The following ADAMTS10 variants were observed in gnomAD, a reference collection of about 807,000 sequenced individuals.
ADAMTS10 encodes A disintegrin and metalloproteinase with thrombospondin motifs 10.
Under a neutral mutation model 135.9 loss-of-function variants are expected in ADAMTS10, and 48 were observed. The ratio of observed to expected loss-of-function variants is 0.35; its 90% CI spans 0.28 to 0.45. The LOEUF is 0.45. ADAMTS10 is among the 20% of genes least tolerant of loss of function. The pLI, the probability that ADAMTS10 is intolerant of heterozygous loss-of-function variation, is 1.00. For synonymous variants in ADAMTS10, 621 were observed against 647.5 expected (o/e 0.96, Z 0.62); for missense variants, 1,131 against 1,565.2 (o/e 0.72, Z 4.68).
At chr19:8,599,424 G>A (rs919042003) in intron 6 of ADAMTS10, among the ~76,000 whole-genome samples, 16 of 151,850 alleles carry the variant, frequency 1.1e-4, no homozygotes, top group Middle Eastern at 3.4e-3. Flanking sequence ...TCTGCCTCCC[G>A]GGTTCAAGCG....
At chr19:8,606,656 C>T (rs868924025) in intron 2 of ADAMTS10, among the ~76,000 whole-genome samples, 3 of 152,248 alleles carry the variant, frequency 2.0e-5, no homozygotes, top group Admixed American at 6.5e-5. Flanking sequence ...TCGTATCCCT[C>T]ATCTTTTTAT....
chr19:8,608,993 C>T (rs1555743043), intron 1 of ADAMTS10, among the ~76,000 whole-genome samples: 1 of 148,388 alleles, frequency 6.7e-6, no homozygotes, highest in Non-Finnish European at 1.5e-5. Flanking sequence ...TGACACAGCC[C>T]AGGGCACCAG....
chr19:8,608,973 T>G, intron 1 of ADAMTS10, among the ~76,000 whole-genome samples: 1 of 141,892 alleles, frequency 7.0e-6, no homozygotes, highest in South Asian at 2.4e-4. Flanking sequence ...CACAGGGTGG[T>G]GTCGAGGTGT....
At chr19:8,588,106 G>A (rs1428009853) in intron 18 of ADAMTS10, among the ~76,000 whole-genome samples, 5 of 151,826 alleles carry the variant, frequency 3.3e-5, no homozygotes, top group South Asian at 4.2e-4. Flanking sequence ...AAAATTAGCC[G>A]GGCATGTAGT....
intron 18 of ADAMTS10, among the ~76,000 whole-genome samples, chr19:8,588,814 CAG>C (rs1454529253): frequency 2.6e-5 from 4 of 151,454 alleles, no homozygotes; most frequent in African/African-American, 7.3e-5. Context: ...TTTTTTGAGA[CAG>C]AGCCTCGCTC....
chr19:8,586,600 G>C lies in ADAMTS10; in HGVS notation c.2361C>G (p.Ser787Arg), dbSNP rs1555737301. The C allele has an allele frequency of 6.2e-7, 1 of 1,614,008 alleles. No individual in the cohort carries two copies. The highest frequency in any genetic ancestry group is 8.5e-7 in the Non-Finnish European group (1 of 1,180,014). The change falls in exon 20 of 26, where the codon AGC becomes AGG. Residue 787 changes from serine to arginine, a missense_variant. This residue lies in a region of ADAMTS10 where 745 missense variants were observed against 1,056.3 expected (regional missense o/e 0.71). Coordinates refer to ENST00000597188, the MANE Select transcript of ADAMTS10 (RefSeq NM_030957.4). ...CATTAATCGGTCCCAGGGCTTCGAG[G>C]CTCTGGACCTGGTCTGGCCCCTGTC... Reference protein sequence around the residue: ...QLRQGPDQVQSLEALGPINAS... With the variant: ...QLRQGPDQVQRLEALGPINAS...
intron 25 of ADAMTS10, among the ~76,000 whole-genome samples, chr19:8,581,809 T>G (rs1215803003): frequency 1.4e-5 from 2 of 147,742 alleles, no homozygotes; most frequent in Non-Finnish European, 3.0e-5. Context: ...TACTCCAGCC[T>G]GGGAGACAGA....
rs1182967839 is a variant in ADAMTS10 at position 8,605,463 on chromosome 19, C to G, written c.89-105G>C. The G allele has an allele frequency of 6.8e-7, 1 of 1,473,960 alleles. No homozygotes were observed. Among genetic ancestry groups the G allele is most frequent in the Non-Finnish European group, 9.2e-7 (1 of 1,085,098 alleles). 91.3% of individuals were successfully genotyped at this position (1,473,960 alleles called of 1,614,324 possible). On this transcript the variant is annotated intron_variant, in intron 3 of 25. Transcript: ENST00000597188. The surrounding 1 kb of genome is among the most constrained non-coding windows in gnomAD (Gnocchi z 7.7). ...AAGTGATGCTGGCCTCACTGACCCC[C>G]GAAATCCAGGGAGTTGGCTGCAAGG...
intron 15 of ADAMTS10, among the ~76,000 whole-genome samples, chr19:8,591,018 C>T (rs1362206165): frequency 3.9e-5 from 6 of 152,192 alleles, no homozygotes; most frequent in Admixed American, 3.9e-4. Context: ...CCAAAGCTCT[C>T]ACTGCCCTCT....
At chr19:8,581,095 C>A in intron 25 of ADAMTS10, 93 bp from the exon 26 acceptor site, 3 of 463,730 alleles carry the variant, frequency 6.5e-6, no homozygotes, top group Non-Finnish European at 1.1e-5. Flanking sequence ...TGGCCAGTGA[C>A]TTTCTGTGCC....
intron 5 of ADAMTS10, among the ~76,000 whole-genome samples, chr19:8,602,364 G>C (rs561155307): frequency 1.4e-4 from 21 of 152,260 alleles, no homozygotes; most frequent in African/African-American, 4.8e-4. Context: ...TGTCGCCCAG[G>C]CTGGAGTGCA....
chr19:8,581,836 A>G (rs189966857), intron 25 of ADAMTS10, among the ~76,000 whole-genome samples: 175 of 148,760 alleles, frequency 1.2e-3, no homozygotes, highest in African/African-American at 4.1e-3. Flanking sequence ...CTCTGTCACA[A>G]AACAAAACAA....
intron 2 of ADAMTS10, among the ~76,000 whole-genome samples, chr19:8,607,377 C>T (rs948749957): frequency 9.9e-5 from 15 of 152,152 alleles, no homozygotes; most frequent in African/African-American, 3.6e-4. Context: ...CTGACCCCGT[C>T]CTCCATTCAG....
rs7257351 is a variant in ADAMTS10 at position 8,592,355 on chromosome 19, C to T, written c.1588-252G>A. On this transcript the variant is annotated intron_variant, in intron 13 of 25. Transcript: ENST00000597188. ...GGGGTGTAGACAGGACCACGATAAGCGTGGAGACGAGGTGGGGCGTGGCTT... is the reference window on the plus strand; with the variant it reads ...GGGGTGTAGACAGGACCACGATAAGTGTGGAGACGAGGTGGGGCGTGGCTT... 5.3e-3 allele frequency: 3,813 copies of T among 715,602 alleles called. 105 individuals are homozygous for T. The African/African-American group carries it at 0.057, about 11-fold the overall frequency. The allele number at this position is 715,602 out of a possible 1,614,324, so 44.3% of individuals were successfully genotyped here.
chr19:8,603,486 C>CTGG (rs568178813), intron 5 of ADAMTS10, among the ~76,000 whole-genome samples: 122 of 152,258 alleles, frequency 8.0e-4, no homozygotes, highest in African/African-American at 2.5e-3. Context: ...GTTGGTCAGG[C>CTGG]TGGTCTTGAA....
chr19:8,607,583 A>G (rs2042734434), intron 2 of ADAMTS10, among the ~76,000 whole-genome samples: 1 of 152,108 alleles, frequency 6.6e-6, no homozygotes, highest in Admixed American at 6.6e-5. Flanking sequence ...TTTGCAGCCC[A>G]GCCAAGTCTG....
rs2042599844 is a variant in ADAMTS10, at chr19:8,596,040, C to A, written c.1337+33G>T. On this transcript the variant is annotated intron_variant, in intron 11 of 25. Coordinates refer to ENST00000597188, the MANE Select transcript of ADAMTS10 (RefSeq NM_030957.4). This position sits in a 1 kb window ranked among gnomAD's most constrained non-coding sequence, Gnocchi z 7.2. Reference sequence around the variant, plus strand: ...GTACCCTGCCCCACCATGAGTGTGACCCGCTCTGAGGGACACCCAGGTGCA... The same window carrying A: ...GTACCCTGCCCCACCATGAGTGTGAACCGCTCTGAGGGACACCCAGGTGCA... 7 of 1,614,062 alleles carry A rather than the reference C, an allele frequency of 4.3e-6. 1 individual carries two copies. The highest frequency in any genetic ancestry group is 2.2e-5 in the East Asian group (1 of 44,874).
chr19:8,603,559 C>A (rs2042688839), intron 5 of ADAMTS10, among the ~76,000 whole-genome samples, 169 bp downstream of exon 5: 2 of 152,154 alleles, frequency 1.3e-5, no homozygotes, highest in Non-Finnish European at 2.9e-5. Context: ...TAGGTGTGAG[C>A]CACTGCACCC....
In ADAMTS10 at chr19:8,596,712, C is replaced by A; in HGVS notation, c.1041-127G>T. On this transcript the variant is annotated intron_variant, in intron 8 of 25. Transcript: ENST00000597188. The surrounding 1 kb of genome is among the most constrained non-coding windows in gnomAD (Gnocchi z 7.2). ...GCCATCTGCCTCTCACCTGAAGCTGCATACAGGAGTGACTGACCACATGAA... is the reference window on the plus strand; with the variant it reads ...GCCATCTGCCTCTCACCTGAAGCTGAATACAGGAGTGACTGACCACATGAA... The A allele has an allele frequency of 1.6e-6, 2 of 1,224,184 alleles. No individual in the cohort carries two copies. Among genetic ancestry groups the A allele is most frequent in the South Asian group, 2.8e-5 (2 of 72,366 alleles). The allele number at this position is 1,224,184 out of a possible 1,614,324, so 75.8% of individuals were successfully genotyped here.
Sources: gnomAD v4.1 joint callset for allele counts (sites outside exome capture counted in the v4.1 genomes callset) on GRCh38, gnomAD v4.1.1 for gene constraint, gnomAD v4.1.1 regional missense constraint, Gnocchi (gnomAD v3.1) non-coding constraint, MANE v1.5 for transcripts, NCBI Gene and HGNC (gene_info 2026-07-23, HGNC 2026-07-21) for gene names.